The following GALNT18 variants were observed in gnomAD, a reference collection of about 807,000 sequenced individuals.
GALNT18 encodes the protein GalNAc-transferase 18.
A neutral mutation model predicts 69.5 loss-of-function variants in GALNT18; 44 were observed. The ratio of observed to expected loss-of-function variants is 0.63; its 90% CI spans 0.50 to 0.81. The LOEUF (loss-of-function observed/expected upper bound fraction) is 0.81, where lower values mean the gene tolerates loss of function less well. Ranked by LOEUF, GALNT18 falls within the 40% of genes least tolerant of loss-of-function variation. The pLI, the probability that GALNT18 is intolerant of heterozygous loss-of-function variation, is 0.00. For missense variants in GALNT18, 715 were observed against 810.0 expected (o/e 0.88, Z 1.42); for synonymous variants, 364 against 318.2 (o/e 1.14, Z -1.53).
chr11:11,329,979 G>A (rs1325866433), intron 8 of GALNT18, among the ~76,000 whole-genome samples: 1 of 152,128 alleles, frequency 6.6e-6, no homozygotes, highest in Admixed American at 6.5e-5. Flanking sequence ...AAGGGGCAAA[G>A]CTAACATTCA....
In GALNT18 at chr11:11,613,928, A is replaced by C. The variant is rs981435043; in HGVS notation, c.235+7431T>G. ...TGCCTTCTGGTTACATTTATCACTC[A>C]CATTCAGCCGGGTTTTCCCTCCAGG... On this transcript the variant is annotated intron_variant, in intron 1 of 10. Coordinates refer to ENST00000227756, the MANE Select transcript of GALNT18 (RefSeq NM_198516.3). This position sits in a 1 kb window ranked among gnomAD's most constrained non-coding sequence, Gnocchi z 4.2. Among the ~76,000 whole-genome samples, 20 of 152,006 alleles carry C rather than the reference A, an allele frequency of 1.3e-4. No individual in the cohort carries two copies. Among genetic ancestry groups the C allele is most frequent in the Non-Finnish European group, 2.4e-4 (16 of 68,000 alleles).
At position 11,345,133 on chromosome 11, in the gene GALNT18, A is replaced by T. The variant is rs1306768182; in HGVS notation, c.1093-4129T>A. Among the ~76,000 whole-genome samples, 7 of 152,224 alleles carry T rather than the reference A, an allele frequency of 4.6e-5. 1 individual carries two copies. Among genetic ancestry groups the T allele is most frequent in the African/African-American group, 1.7e-4 (7 of 41,464 alleles). ...TACACAACGCTCCCTTCTCAGAGACAGGGAGCACTGGTCAACATTTCCAGT... is the reference window on the plus strand; with the variant it reads ...TACACAACGCTCCCTTCTCAGAGACTGGGAGCACTGGTCAACATTTCCAGT... On this transcript the variant is annotated intron_variant, in intron 6 of 10. Coordinates refer to ENST00000227756, the MANE Select transcript of GALNT18 (RefSeq NM_198516.3).
In GALNT18 at chr11:11,435,182, C is replaced by T. The variant is rs1366040097; in HGVS notation, c.429-2395G>A. 6.6e-6 allele frequency among the ~76,000 whole-genome samples: 1 copy of T among 152,176 alleles called. No individual in the cohort carries two copies. Among genetic ancestry groups the T allele is most frequent in the Non-Finnish European group, 1.5e-5 (1 of 68,030 alleles). On this transcript the variant is annotated intron_variant, in intron 2 of 10. Transcript: ENST00000227756. The surrounding 1 kb of genome is among the most constrained non-coding windows in gnomAD (Gnocchi z 4.4). Reference sequence around the variant, plus strand: ...TCTCTGCACTTCCCCACGGGGTCTGCACTGCGTTCCCAGAGCCTCAGTATC... The same window carrying T: ...TCTCTGCACTTCCCCACGGGGTCTGTACTGCGTTCCCAGAGCCTCAGTATC...
chr11:11,491,988 A>G (rs1856780684), intron 1 of GALNT18, among the ~76,000 whole-genome samples: 4 of 152,258 alleles, frequency 2.6e-5, no homozygotes, highest in Admixed American at 2.6e-4. Context: ...CCTATGATTC[A>G]TTTAGCATTG....
chr11:11,359,656 G>A (rs1167447450), intron 6 of GALNT18, among the ~76,000 whole-genome samples: 2 of 152,180 alleles, frequency 1.3e-5, no homozygotes, highest in African/African-American at 4.8e-5. Context: ...TTAGGCCCCA[G>A]CACTCCTGAG....
chr11:11,353,692 T>C (rs1470332781), intron 6 of GALNT18, among the ~76,000 whole-genome samples: 1 of 152,164 alleles, frequency 6.6e-6, no homozygotes, highest in Admixed American at 6.5e-5. Flanking sequence ...TGGCCGTCCA[T>C]ACCAGATGCC....
intron 1 of GALNT18, among the ~76,000 whole-genome samples, chr11:11,522,936 A>G (rs191806908): frequency 2.0e-5 from 3 of 152,324 alleles, no homozygotes; most frequent in South Asian, 2.1e-4. Flanking sequence ...AGCACCAAAC[A>G]TGAAACTTCT....
intron 1 of GALNT18, among the ~76,000 whole-genome samples, chr11:11,472,499 C>G: frequency 6.6e-6 from 1 of 152,178 alleles, no homozygotes; most frequent in African/African-American, 2.4e-5. Context: ...GGCTGTGCAA[C>G]TGATGATGAT....
chr11:11,601,504 G>A lies in GALNT18; in HGVS notation c.235+19855C>T, dbSNP rs555773605. On this transcript the variant is annotated intron_variant, in intron 1 of 10. Coordinates refer to ENST00000227756, the MANE Select transcript of GALNT18 (RefSeq NM_198516.3). The surrounding 1 kb of genome is among the most constrained non-coding windows in gnomAD (Gnocchi z 4.0). ...TGTTACATTTCTGGCTGGACTGCCC[G>A]ATTGGTTTCACCTCCAGCTGTTAGC... is the stretch of plus-strand genomic sequence containing the variant. Among the ~76,000 whole-genome samples the A allele has an allele frequency of 7.2e-5, 11 of 152,298 alleles. No individual in the cohort carries two copies. Among genetic ancestry groups the A allele is most frequent in the Non-Finnish European group, 1.2e-4 (8 of 68,032 alleles).
chr11:11,283,781 G>A (rs1263463885), intron 10 of GALNT18, among the ~76,000 whole-genome samples: 1 of 152,114 alleles, frequency 6.6e-6, no homozygotes, highest in Admixed American at 6.5e-5. Context: ...TTAAGTAAGG[G>A]CAATTAAACC....
At chr11:11,493,117 C>G (rs1221671135) in intron 1 of GALNT18, among the ~76,000 whole-genome samples, 1 of 151,694 alleles carries the variant, frequency 6.6e-6, no homozygotes. Flanking sequence ...AAAAATTAGC[C>G]AGGCATGGTG....
chr11:11,273,790 C>T (rs916417766), intron 10 of GALNT18, among the ~76,000 whole-genome samples: 1 of 152,120 alleles, frequency 6.6e-6, no homozygotes, highest in Non-Finnish European at 1.5e-5. Flanking sequence ...ATGGAATCAA[C>T]CTAAGTATCC....
At position 11,314,602 on chromosome 11, in the gene GALNT18, G is replaced by A. The variant is rs1340216339; in HGVS notation, c.1512+12484C>T. Among the ~76,000 whole-genome samples, 3 of 152,186 alleles carry A rather than the reference G, an allele frequency of 2.0e-5. No homozygotes were observed. The highest frequency in any genetic ancestry group is 6.5e-5 in the Admixed American group (1 of 15,284). On this transcript the variant is annotated intron_variant, in intron 9 of 10. Coordinates refer to ENST00000227756, the MANE Select transcript of GALNT18 (RefSeq NM_198516.3). The surrounding 1 kb of genome is among the most constrained non-coding windows in gnomAD (Gnocchi z 5.2). ...CTACCAAAAGAGAAATGGAAATAAG[G>A]TTCTTTCTAAAAGCAGGGTGGGAAG...
At position 11,555,969 on chromosome 11, in the gene GALNT18, A is replaced by G. The variant is rs1858323695; in HGVS notation, c.235+65390T>C. 1.3e-5 allele frequency among the ~76,000 whole-genome samples: 2 copies of G among 152,206 alleles called. 1 individual carries two copies. The highest frequency in any genetic ancestry group is 1.3e-4 in the Admixed American group (2 of 15,278). On this transcript the variant is annotated intron_variant, in intron 1 of 10. Coordinates refer to ENST00000227756, the MANE Select transcript of GALNT18 (RefSeq NM_198516.3). The surrounding 1 kb of genome is among the most constrained non-coding windows in gnomAD (Gnocchi z 4.7). Reference sequence around the variant, plus strand: ...TTCCCTTATTTCCTCTGAGTCCTCTAACCGAGATCAGACTTAAGTCAACAC... The same window carrying G: ...TTCCCTTATTTCCTCTGAGTCCTCTGACCGAGATCAGACTTAAGTCAACAC...
Position 11,347,021 on chromosome 11 carries a change from C to G in GALNT18, c.1093-6017G>C, listed in dbSNP as rs1210201626. ...AGCAAAGGCGGGCATGTAGTGGGTT[C>G]TCAGGGAGGCTCAGATCACTTTCTT... is the stretch of plus-strand genomic sequence containing the variant. On this transcript the variant is annotated intron_variant, in intron 6 of 10. Transcript: ENST00000227756. The surrounding 1 kb of genome is among the most constrained non-coding windows in gnomAD (Gnocchi z 4.0). Among the ~76,000 whole-genome samples, 1 of 152,152 alleles carries G rather than the reference C, an allele frequency of 6.6e-6. No individual in the cohort carries two copies. Among genetic ancestry groups the G allele is most frequent in the Non-Finnish European group, 1.5e-5 (1 of 68,036 alleles).
chr11:11,336,332 G>T (rs1850112966), intron 7 of GALNT18, among the ~76,000 whole-genome samples: 1 of 152,186 alleles, frequency 6.6e-6, no homozygotes, highest in South Asian at 2.1e-4. Flanking sequence ...GGCCAGTTCT[G>T]CTCAGTTCAC....
intron 3 of GALNT18, among the ~76,000 whole-genome samples, chr11:11,418,713 A>G (rs1854922260): frequency 6.6e-6 from 1 of 152,152 alleles, no homozygotes; most frequent in East Asian, 1.9e-4. Flanking sequence ...TGGTGTGCTG[A>G]GCGTGATGGC....
At chr11:11,460,249 G>A (rs898078323) in intron 1 of GALNT18, among the ~76,000 whole-genome samples, 7 of 152,158 alleles carry the variant, frequency 4.6e-5, no homozygotes, top group Admixed American at 3.3e-4. Flanking sequence ...TCTTTGAGGG[G>A]CCATTACTCT....
rs1854541594 is a variant in GALNT18 at position 11,404,448 on chromosome 11, A to C, written c.596-25184T>G. 6.6e-6 allele frequency among the ~76,000 whole-genome samples: 1 copy of C among 152,208 alleles called. No homozygotes were observed. The highest frequency in any genetic ancestry group is 1.9e-4 in the East Asian group (1 of 5,184). ...AGCAGGAGCAGGAGCTGAAGCACTC[A>C]AAGGCTGATGTAAGCCCTGGCCCGG... On this transcript the variant is annotated intron_variant, in intron 3 of 10. Transcript: ENST00000227756. This position sits in a 1 kb window ranked among gnomAD's most constrained non-coding sequence, Gnocchi z 4.5.
Sources: gnomAD v4.1 joint callset for allele counts (sites outside exome capture counted in the v4.1 genomes callset) on GRCh38, gnomAD v4.1.1 for gene constraint, Gnocchi (gnomAD v3.1) non-coding constraint, MANE v1.5 for transcripts, NCBI Gene and HGNC (gene_info 2026-07-23, HGNC 2026-07-21) for gene names.